BZW2: variants seen among roughly 807,000 people sequenced by gnomAD.
The protein encoded by BZW2 is eIF5-mimic protein 1.
In BZW2, 23 loss-of-function variants were observed where a neutral mutation model predicts 53.2. The observed-to-expected ratio is 0.43, with a 90% CI of 0.31 to 0.61. The LOEUF (loss-of-function observed/expected upper bound fraction) is 0.61. Among genes scored for constraint, BZW2 ranks in the 20% least tolerant of loss-of-function variants. The pLI is 0.09. For synonymous variants in BZW2, 227 were observed against 186.4 expected (o/e 1.22, Z -1.77); for missense variants, 409 against 503.1 (o/e 0.81, Z 1.79).
intron 1 of BZW2, among the ~76,000 whole-genome samples, chr7:16,646,518 C>T (rs1781866548): frequency 6.6e-6 from 1 of 152,082 alleles, no homozygotes; most frequent in South Asian, 2.1e-4. Flanking sequence ...GTTTGGCCGC[C>T]TCGGGAGACC....
At chr7:16,687,297 G>T (rs906392618) in intron 6 of BZW2, 4 of 152,108 alleles carry the variant, frequency 2.6e-5, no homozygotes, top group Admixed American at 6.6e-5. Context: ...AAATGTTTGG[G>T]GGGTGGTGAG....
rs778349274 is a variant in BZW2 at position 16,706,085 on chromosome 7, T to C, written c.1257T>C (p.Asn419=). ...AATCCGAATCGGAAGGTGAGGAAAA[T>C]TAAATGGCTCAACAAGCACAATACC... The part of the protein sequence containing the change: ...EEESESEGEE[N] Residue 419 remains asparagine (N), a synonymous_variant, in exon 12 of 12, where the codon AAT becomes AAC. Coordinates refer to ENST00000258761, the MANE Select transcript of BZW2 (RefSeq NM_014038.3). The C allele has an allele frequency of 6.2e-7, 1 of 1,613,580 alleles. No individual in the cohort carries two copies. Among genetic ancestry groups the C allele is most frequent in the Middle Eastern group, 1.7e-4 (1 of 6,060 alleles).
chr7:16,688,264 T>C (rs748657804), intron 6 of BZW2, among the ~76,000 whole-genome samples: 1 of 152,248 alleles, frequency 6.6e-6, no homozygotes, highest in African/African-American at 2.4e-5. Flanking sequence ...TCTCCTGTTA[T>C]CATTCATAGC....
At chr7:16,689,935 T>C in intron 7 of BZW2, 29 bp downstream of exon 7, 1 of 1,556,008 alleles carries the variant, frequency 6.4e-7, no homozygotes, top group South Asian at 1.1e-5. Context: ...AAGAGTTGTA[T>C]GTATGATGCC....
intron 10 of BZW2, among the ~76,000 whole-genome samples, chr7:16,698,720 T>C (rs1783579163): frequency 6.6e-6 from 1 of 152,216 alleles, no homozygotes; most frequent in South Asian, 2.1e-4. Context: ...ATTAGGTTGC[T>C]ATGACAACTG....
intron 1 of BZW2, among the ~76,000 whole-genome samples, chr7:16,652,197 C>T (rs547073803): frequency 6.6e-6 from 1 of 152,302 alleles, no homozygotes; most frequent in African/African-American, 2.4e-5. Flanking sequence ...ACTGGGCTTA[C>T]ATCCATGGTT....
At chr7:16,656,148 T>TATATATATATATATATAC (rs1184513781) in intron 1 of BZW2, among the ~76,000 whole-genome samples, 4 of 148,234 alleles carry the variant, frequency 2.7e-5, no homozygotes, top group African/African-American at 1.0e-4. Context: ...TATATATATA[T>TATATATATATATATATAC]ATACATAAAT....
At chr7:16,703,682 G>A (rs1783744537) in intron 10 of BZW2, among the ~76,000 whole-genome samples, 1 of 152,064 alleles carries the variant, frequency 6.6e-6, no homozygotes, top group African/African-American at 2.4e-5. Context: ...TGGAACATTA[G>A]AAGAATGTTA....
chr7:16,682,482 A>G (rs1368766288), intron 4 of BZW2, among the ~76,000 whole-genome samples: 1 of 152,126 alleles, frequency 6.6e-6, no homozygotes, highest in East Asian at 1.9e-4. Context: ...CGTGATTTTT[A>G]GTCTCTGCAT....
chr7:16,654,762 C>G (rs1012953154), intron 1 of BZW2, among the ~76,000 whole-genome samples: 2 of 151,582 alleles, frequency 1.3e-5, no homozygotes, highest in African/African-American at 2.4e-5. Context: ...TTGTCTCAAA[C>G]TCCTGACCTC....
chr7:16,705,943 CCTAGGGTAAA>C, intron 11 of BZW2, 107 bp from the exon 12 acceptor site: 1 of 1,103,152 alleles, frequency 9.1e-7, no homozygotes, highest in South Asian at 1.4e-5. Context: ...ATAATGGGTG[CCTAGGGTAAA>C]AGTATGCTGG....
intron 9 of BZW2, 41 bp downstream of exon 9, chr7:16,697,102 A>G (rs1432875386): frequency 2.5e-6 from 4 of 1,592,422 alleles, no homozygotes; most frequent in Non-Finnish European, 2.6e-6. Flanking sequence ...CCAAGGGCAA[A>G]CTGCAGCTTT....
chr7:16,697,109 C>CT, intron 9 of BZW2, 48 bp downstream of exon 9: 6 of 1,580,966 alleles, frequency 3.8e-6, no homozygotes, highest in African/African-American at 1.4e-5. Flanking sequence ...CAAACTGCAG[C>CT]TTTTTTTGTT....
At chr7:16,679,687 AG>A (rs1356973774) in intron 3 of BZW2, among the ~76,000 whole-genome samples, 2 of 152,216 alleles carry the variant, frequency 1.3e-5, no homozygotes, top group African/African-American at 4.8e-5. Context: ...AAACAAATAA[AG>A]GGAGTGGCTA....
At chr7:16,673,976 C>T (rs1440356370) in intron 2 of BZW2, among the ~76,000 whole-genome samples, 7 of 152,136 alleles carry the variant, frequency 4.6e-5, no homozygotes, top group South Asian at 4.1e-4. Context: ...CTCTGCTCAC[C>T]GCAACCTCCA....
Position 16,646,216 on chromosome 7 carries a change from T to C in BZW2, c.-80T>C, listed in dbSNP as rs919240958. Reference sequence around the variant, plus strand: ...TGTCTGCCGCCACTGCTGCTGCTGCTGCTGCTGCCGCTGCTGCTGCACGAA... The same window carrying C: ...TGTCTGCCGCCACTGCTGCTGCTGCCGCTGCTGCCGCTGCTGCTGCACGAA... On this transcript the variant is annotated 5_prime_UTR_variant, in exon 1 of 12. Coordinates refer to ENST00000258761, the MANE Select transcript of BZW2 (RefSeq NM_014038.3). The C allele has an allele frequency of 8.7e-6, 3 of 345,620 alleles. No homozygotes were observed. The highest frequency in any genetic ancestry group is 1.8e-5 in the Non-Finnish European group (3 of 169,628). 21.4% of individuals were successfully genotyped at this position (345,620 alleles called of 1,614,324 possible).
At chr7:16,647,135 T>C (rs762230608) in intron 1 of BZW2, among the ~76,000 whole-genome samples, 11 of 152,190 alleles carry the variant, frequency 7.2e-5, no homozygotes, top group Non-Finnish European at 1.5e-4. Context: ...TAAGATTTGC[T>C]TGCTAAAATG....
chr7:16,660,962 C>G (rs1010794688), intron 1 of BZW2, among the ~76,000 whole-genome samples: 3 of 152,132 alleles, frequency 2.0e-5, no homozygotes, highest in Admixed American at 6.5e-5. Context: ...CACACTGTAA[C>G]AGCAGAATTG....
intron 10 of BZW2, among the ~76,000 whole-genome samples, chr7:16,701,849 C>T (rs1382607302): frequency 6.6e-6 from 1 of 152,134 alleles, no homozygotes; most frequent in African/African-American, 2.4e-5. Flanking sequence ...CAAAGAATTA[C>T]ACTCACCATG....
Sources: gnomAD v4.1 joint callset for allele counts (sites outside exome capture counted in the v4.1 genomes callset) on GRCh38, gnomAD v4.1.1 for gene constraint, MANE v1.5 for transcripts, NCBI Gene and HGNC (gene_info 2026-07-23, HGNC 2026-07-21) for gene names.